SYT7: variants seen among roughly 807,000 people sequenced by gnomAD.
SYT7 encodes synaptotagmin-7.
Under a neutral mutation model 75.1 loss-of-function variants are expected in SYT7, and 29 were observed. That is an observed-to-expected ratio of 0.39 (90% CI 0.29 to 0.53). The LOEUF (loss-of-function observed/expected upper bound fraction) is 0.53, where lower values mean the gene tolerates loss of function less well. Among genes scored for constraint, SYT7 ranks in the 20% least tolerant of loss-of-function variants. The probability of loss-of-function intolerance (pLI) is 0.77; values close to 1 mark genes in which losing one functional copy is unlikely to be tolerated. For synonymous variants in SYT7, 376 were observed against 401.7 expected (o/e 0.94, Z 0.76); for missense variants, 693 against 953.2 (o/e 0.73, Z 3.59).
chr11:61,534,418 C>A (rs2062804616), intron 7 of SYT7, among the ~76,000 whole-genome samples: 1 of 144,544 alleles, frequency 6.9e-6, no homozygotes, highest in Admixed American at 7.0e-5. Flanking sequence ...CGCACGCACA[C>A]ATGCGCATAC....
chr11:61,541,490 G>A (rs2063041267), intron 6 of SYT7, among the ~76,000 whole-genome samples: 1 of 152,170 alleles, frequency 6.6e-6, no homozygotes, highest in African/African-American at 2.4e-5. Context: ...GTTAGACACT[G>A]ATGGTGTGTT....
chr11:61,551,200 C>G lies in SYT7; in HGVS notation c.215+184G>C, dbSNP rs990729152. 1.2e-4 allele frequency among the ~76,000 whole-genome samples: 18 copies of G among 152,140 alleles called. No individual in the cohort carries two copies. The highest frequency in any genetic ancestry group is 4.1e-4 in the African/African-American group (17 of 41,486). Reference sequence around the variant, plus strand: ...TCCGGAGCACTACGAGGGGCTTGGGCACAGGCAGAAAAGACGGGGCCCCTG... The same window carrying G: ...TCCGGAGCACTACGAGGGGCTTGGGGACAGGCAGAAAAGACGGGGCCCCTG... On this transcript the variant is annotated intron_variant, in intron 3 of 12. Transcript: ENST00000539008. This position sits in a 1 kb window ranked among gnomAD's most constrained non-coding sequence, Gnocchi z 5.3.
chr11:61,567,756 G>A (rs1377551792), intron 1 of SYT7, among the ~76,000 whole-genome samples: 1 of 152,212 alleles, frequency 6.6e-6, no homozygotes, highest in Non-Finnish European at 1.5e-5. Context: ...GGTCCCCAGC[G>A]GCGGCCTGGG....
chr11:61,548,877 A>G (rs904643816), intron 3 of SYT7, among the ~76,000 whole-genome samples: 1 of 152,194 alleles, frequency 6.6e-6, no homozygotes, highest in African/African-American at 2.4e-5. Flanking sequence ...TCCAGAGTAG[A>G]CCTTGGAAAT....
At chr11:61,578,848 TG>T (rs1447519819) in intron 1 of SYT7, among the ~76,000 whole-genome samples, 5 of 152,072 alleles carry the variant, frequency 3.3e-5, no homozygotes, top group Non-Finnish European at 5.9e-5. Context: ...CAGGCACTGG[TG>T]GGTCCCGCAG....
intron 12 of SYT7, among the ~76,000 whole-genome samples, chr11:61,522,758 G>A (rs2062384020): frequency 1.3e-5 from 2 of 152,120 alleles, no homozygotes; most frequent in African/African-American, 4.8e-5. Flanking sequence ...CTGCTCCAAC[G>A]TCATCATCCT....
At chr11:61,587,931 C>A in the SYT7 span, among the ~76,000 whole-genome samples, 1 of 152,126 alleles carries the variant, frequency 6.6e-6, no homozygotes, top group South Asian at 2.1e-4. Context: ...GATGGGGGGG[C>A]GGGGGACATG....
intron 7 of SYT7, among the ~76,000 whole-genome samples, chr11:61,537,032 C>T (rs180739363): frequency 6.6e-6 from 1 of 152,336 alleles, no homozygotes; most frequent in African/African-American, 2.4e-5. Flanking sequence ...GATAAGTGAG[C>T]AGAGAACCCA....
chr11:61,584,548 T>A (rs1349980411), upstream of SYT7, among the ~76,000 whole-genome samples: 1 of 152,230 alleles, frequency 6.6e-6, no homozygotes. Flanking sequence ...GTCAGGAAAG[T>A]TCTTCCAGAT....
At chr11:61,545,936 G>A (rs908028567) in intron 5 of SYT7, 95 bp downstream of exon 5, 1 of 1,163,714 alleles carries the variant, frequency 8.6e-7, no homozygotes, top group African/African-American at 1.6e-5. Context: ...GGCACCTCTG[G>A]GGGCAGCAGC....
At chr11:61,547,923 A>G (rs1022277415) in intron 3 of SYT7, among the ~76,000 whole-genome samples, 11 of 152,178 alleles carry the variant, frequency 7.2e-5, no homozygotes, top group African/African-American at 2.7e-4. Context: ...CTCCCCACTG[A>G]GGCCCTCCTG....
intron 1 of SYT7, among the ~76,000 whole-genome samples, chr11:61,563,969 A>G (rs2063704524): frequency 1.3e-5 from 2 of 152,320 alleles, no homozygotes; most frequent in South Asian, 2.1e-4. Context: ...AAGGTCTCAG[A>G]TAAGCCCACC....
Position 61,521,400 on chromosome 11 carries a change from T to A in SYT7, c.1956+1675A>T, listed in dbSNP as rs146485802. On this transcript the variant is annotated intron_variant, in intron 12 of 12. Transcript: ENST00000539008. ...CAAAAGAACATCAAAGGAGATATGG[T>A]CACTTGGCCTTTGGGCTGAGCTGGT... Among the ~76,000 whole-genome samples, 3 of 152,152 alleles carry A rather than the reference T, an allele frequency of 2.0e-5. No individual in the cohort carries two copies. In the East Asian group the frequency reaches 5.8e-4, roughly 29 times the overall value.
chr11:61,544,580 C>G (rs773780260), intron 5 of SYT7, among the ~76,000 whole-genome samples: 3 of 152,180 alleles, frequency 2.0e-5, no homozygotes, highest in Non-Finnish European at 4.4e-5. Flanking sequence ...GAGGGCGGCA[C>G]ATTGGCAGCT....
At chr11:61,568,033 G>A (rs2063822015) in intron 1 of SYT7, among the ~76,000 whole-genome samples, 1 of 152,212 alleles carries the variant, frequency 6.6e-6, no homozygotes, top group East Asian at 1.9e-4. Context: ...TTTCCTCTGT[G>A]GCAGGGCCAG....
chr11:61,529,924 A>C (rs2062651269), intron 8 of SYT7, among the ~76,000 whole-genome samples: 1 of 152,104 alleles, frequency 6.6e-6, no homozygotes, highest in Non-Finnish European at 1.5e-5. Flanking sequence ...CATGAGCCAC[A>C]CACCCGGCCT....
At chr11:61,529,956 C>T (rs367597943) in intron 8 of SYT7, among the ~76,000 whole-genome samples, 264 of 152,350 alleles carry the variant, frequency 1.7e-3, no homozygotes, top group African/African-American at 6.1e-3. Context: ...CAGTAACTAT[C>T]TTAGACTGGC....
chr11:61,547,615 G>A (rs191676946), intron 3 of SYT7, among the ~76,000 whole-genome samples: 39 of 152,164 alleles, frequency 2.6e-4, no homozygotes, highest in African/African-American at 9.4e-4. Context: ...CCTCGCACCT[G>A]GGAAGCTGGT....
At chr11:61,581,418 C>T (rs2064270458), upstream of SYT7, among the ~76,000 whole-genome samples, 1 of 152,150 alleles carries the variant, frequency 6.6e-6, no homozygotes, top group Non-Finnish European at 1.5e-5. Flanking sequence ...CGGCCTGGCA[C>T]CGGGCAGGGC....
Sources: gnomAD v4.1 joint callset for allele counts (sites outside exome capture counted in the v4.1 genomes callset) on GRCh38, gnomAD v4.1.1 for gene constraint, Gnocchi (gnomAD v3.1) non-coding constraint, MANE v1.5 for transcripts, NCBI Gene and HGNC (gene_info 2026-07-23, HGNC 2026-07-21) for gene names.